The following PTPRT variants were observed in gnomAD, a reference collection of about 807,000 sequenced individuals.
PTPRT encodes the protein receptor-type tyrosine-protein phosphatase T.
Under a neutral mutation model 176.8 loss-of-function variants are expected in PTPRT, and 56 were observed. The observed-to-expected ratio is 0.32, with a 90% CI of 0.26 to 0.40. The LOEUF is 0.40. Among genes scored for constraint, PTPRT ranks in the 10% least tolerant of loss-of-function variants. The probability of loss-of-function intolerance (pLI) is 1.00; values close to 1 mark genes in which losing one functional copy is unlikely to be tolerated. For synonymous variants in PTPRT, 783 were observed against 739.0 expected (o/e 1.06, Z -0.96); for missense variants, 1,540 against 1,908.2 (o/e 0.81, Z 3.60).
intron 1 of PTPRT, among the ~76,000 whole-genome samples, chr20:43,044,166 TG>T (rs1986742862): frequency 6.6e-6 from 1 of 152,088 alleles, no homozygotes; most frequent in Non-Finnish European, 1.5e-5. Flanking sequence ...CTGCCAGCCT[TG>T]GGTCCTGGCA....
chr20:42,759,571 C>G (rs2145417486), intron 5 of PTPRT, among the ~76,000 whole-genome samples: 1 of 152,274 alleles, frequency 6.6e-6, no homozygotes, highest in African/African-American at 2.4e-5. Flanking sequence ...TGAAGGAAAG[C>G]CCAAAGTCCT....
At chr20:42,557,249 A>G (rs1180470746) in intron 7 of PTPRT, among the ~76,000 whole-genome samples, 1 of 152,038 alleles carries the variant, frequency 6.6e-6, no homozygotes. Flanking sequence ...ATTATTCTAG[A>G]CCCTAGGAAT....
chr20:42,694,333 C>T (rs1049798999), intron 6 of PTPRT, among the ~76,000 whole-genome samples: 2 of 152,242 alleles, frequency 1.3e-5, no homozygotes, highest in African/African-American at 2.4e-5. Context: ...CCACTATGCC[C>T]GGCCTAGTCC....
At chr20:42,352,340 G>A in intron 9 of PTPRT, 55 bp from the exon 10 acceptor site, 1 of 1,579,810 alleles carries the variant, frequency 6.3e-7, no homozygotes, top group Non-Finnish European at 8.7e-7. Context: ...TCAGGAAGCT[G>A]GATGGAGCTC....
intron 1 of PTPRT, among the ~76,000 whole-genome samples, chr20:43,172,942 T>C (rs2015039759): frequency 6.7e-6 from 1 of 148,184 alleles, no homozygotes; most frequent in Non-Finnish European, 1.5e-5. Context: ...GCACAATCTC[T>C]GCTCACCACA....
chr20:42,913,498 C>T (rs1360989089), intron 1 of PTPRT, among the ~76,000 whole-genome samples: 2 of 152,046 alleles, frequency 1.3e-5, no homozygotes, highest in Non-Finnish European at 1.5e-5. Context: ...CATACTGTAT[C>T]AGGGTCCACC....
chr20:42,415,903 T>C (rs2059061976), intron 9 of PTPRT, among the ~76,000 whole-genome samples: 1 of 152,082 alleles, frequency 6.6e-6, no homozygotes, highest in African/African-American at 2.4e-5. Context: ...AAAAAGACAA[T>C]GTTATCTTGT....
chr20:42,340,674 C>T (rs2058098643), intron 11 of PTPRT, among the ~76,000 whole-genome samples: 1 of 152,170 alleles, frequency 6.6e-6, no homozygotes, highest in South Asian at 2.1e-4. Context: ...ATCAATAGAT[C>T]AGGCTATAGA....
intron 8 of PTPRT, among the ~76,000 whole-genome samples, chr20:42,457,338 G>T (rs2070941325): frequency 6.6e-6 from 1 of 152,166 alleles, no homozygotes; most frequent in Admixed American, 6.5e-5. Context: ...CCATGAATAT[G>T]TTCTATCCCA....
At position 42,082,664 on chromosome 20, in the gene PTPRT, C is replaced by T. The variant is rs79799080; in HGVS notation, c.4137-647G>A. On this transcript the variant is annotated intron_variant, in intron 29 of 30. Transcript: ENST00000373187. ...TTGGTTTAAGCAAGATGCTACTGAT[C>T]TTGAGTCTAGGGATACAGGGTTGGT... Among the ~76,000 whole-genome samples the T allele has an allele frequency of 3.1e-3, 478 of 152,278 alleles. 4 individuals carry two copies. The highest frequency in any genetic ancestry group is 0.011 in the African/African-American group (460 of 41,542).
chr20:42,204,237 G>A (rs2055394176), intron 15 of PTPRT, among the ~76,000 whole-genome samples: 1 of 151,084 alleles, frequency 6.6e-6, no homozygotes, highest in Admixed American at 6.6e-5. Context: ...AAATATTCAT[G>A]GGAGTCAGAG....
intron 13 of PTPRT, among the ~76,000 whole-genome samples, chr20:42,267,745 G>A (rs1476249267): frequency 6.6e-6 from 1 of 152,120 alleles, no homozygotes; most frequent in Non-Finnish European, 1.5e-5. Context: ...AGACATCCAT[G>A]GTGCTGGGGT....
At chr20:42,696,486 C>CAG (rs2146140767) in intron 6 of PTPRT, among the ~76,000 whole-genome samples, 1 of 145,578 alleles carries the variant, frequency 6.9e-6, no homozygotes, top group South Asian at 2.2e-4. Context: ...GACAGAGCCT[C>CAG]GCTCTGTCGC....
intron 1 of PTPRT, among the ~76,000 whole-genome samples, chr20:43,016,788 C>CG (rs1411220421): frequency 1.3e-5 from 2 of 151,954 alleles, no homozygotes; most frequent in Non-Finnish European, 1.5e-5. Context: ...CCGCCCACCT[C>CG]GGCCTCCCAA....
intron 1 of PTPRT, among the ~76,000 whole-genome samples, chr20:43,059,328 C>T: frequency 6.6e-6 from 1 of 152,108 alleles, no homozygotes; most frequent in East Asian, 1.9e-4. Flanking sequence ...TTCTCTCTTC[C>T]TTGCATTTTA....
At chr20:42,236,574 T>A (rs2056247412) in intron 14 of PTPRT, among the ~76,000 whole-genome samples, 1 of 151,082 alleles carries the variant, frequency 6.6e-6, no homozygotes, top group Admixed American at 6.6e-5. Flanking sequence ...CAACCAAAAC[T>A]AGATTCCTTG....
chr20:42,556,326 C>T (rs1267476928), intron 7 of PTPRT, among the ~76,000 whole-genome samples: 4 of 152,152 alleles, frequency 2.6e-5, no homozygotes, highest in African/African-American at 9.7e-5. Flanking sequence ...TTTTACATCT[C>T]ACTAGAACCC....
At chr20:42,379,755 T>C (rs367781573) in intron 9 of PTPRT, among the ~76,000 whole-genome samples, 2 of 152,232 alleles carry the variant, frequency 1.3e-5, no homozygotes, top group African/African-American at 4.8e-5. Flanking sequence ...ATGGAAAAGC[T>C]AAAGTCTCCT....
At chr20:42,442,161 C>T (rs1000599624) in intron 9 of PTPRT, among the ~76,000 whole-genome samples, 4 of 152,116 alleles carry the variant, frequency 2.6e-5, no homozygotes, top group African/African-American at 7.2e-5. Context: ...AGAGTTTCCT[C>T]GTGAGCTTAT....
Sources: gnomAD v4.1 joint callset for allele counts (sites outside exome capture counted in the v4.1 genomes callset) on GRCh38, gnomAD v4.1.1 for gene constraint, MANE v1.5 for transcripts, NCBI Gene and HGNC (gene_info 2026-07-23, HGNC 2026-07-21) for gene names.